Variants in GALNT16 observed in about 807,000 individuals in gnomAD.
The protein encoded by GALNT16 is polypeptide N-acetylgalactosaminyltransferase 16, also known as UDP-GalNAc:polypeptide N-acetylgalactosaminyltransferase-like protein 1.
Under a neutral mutation model 76.1 loss-of-function variants are expected in GALNT16, and 40 were observed. The ratio of observed to expected loss-of-function variants is 0.53; its 90% CI spans 0.41 to 0.68. The LOEUF is 0.68. Ranked by LOEUF, GALNT16 falls within the 30% of genes least tolerant of loss-of-function variation. The pLI is 0.00. For synonymous variants in GALNT16, 276 were observed against 285.2 expected, an observed-to-expected ratio of 0.97 and a Z score of 0.32; for missense variants, 621 against 731.9, an observed-to-expected ratio of 0.85 and a Z score of 1.75.
the GALNT16 span, among the ~76,000 whole-genome samples, chr14:69,378,945 A>AT: frequency 0.014 from 2,034 of 150,170 alleles, 38 homozygotes; most frequent in African/African-American, 0.033. Context: ...AGCTTTATTT[A>AT]TTTTTTTTTT....
rs1413129497 is a variant in GALNT16 at position 69,320,785 on chromosome 14, C to T, written c.252C>T (p.Asp84=). The change falls in exon 2 of 15, where the codon GAC becomes GAT. Residue 84 remains aspartate, a synonymous_variant. Transcript: ENST00000448469. ...CCAAGCAGCTGAAGGCTGGAGAGGA[C>T]CCCTACAGACAGCACGCCTTCAACC... ...LSAKQLKAGE[D]PYRQHAFNQL... is the part of the protein sequence containing the mutation. The T allele has an allele frequency of 6.2e-7, 1 of 1,614,180 alleles. No homozygotes were observed. The highest frequency in any genetic ancestry group is 1.7e-5 in the Admixed American group (1 of 60,024).
At chr14:69,300,740 T>G (rs1456840714) in intron 1 of GALNT16, among the ~76,000 whole-genome samples, 1 of 152,074 alleles carries the variant, frequency 6.6e-6, no homozygotes, top group East Asian at 1.9e-4. Flanking sequence ...TACAGCTTCT[T>G]GAGAGATCTT....
intron 1 of GALNT16, among the ~76,000 whole-genome samples, chr14:69,283,490 G>A (rs867805608): frequency 1.9e-4 from 29 of 152,290 alleles, no homozygotes; most frequent in African/African-American, 5.8e-4. Context: ...GGCCTCTTAC[G>A]AGTCCTGACT....
At chr14:69,325,879 T>G (rs961001054) in intron 4 of GALNT16, 83 bp from the exon 5 acceptor site, 2 of 1,061,492 alleles carry the variant, frequency 1.9e-6, no homozygotes, top group African/African-American at 3.1e-5. Context: ...GGGCTTAGTA[T>G]GGGGCAATTT....
rs1183948612 is a variant in GALNT16 at position 69,320,784 on chromosome 14, A to G, written c.251A>G (p.Asp84Gly). The change falls in exon 2 of 15, where the codon GAC (aspartate) becomes GGC (glycine). Residue 84 changes from aspartate to glycine, a missense_variant. Coordinates refer to ENST00000448469, the MANE Select transcript of GALNT16 (RefSeq NM_001168368.2). ...GCCAAGCAGCTGAAGGCTGGAGAGG[A>G]CCCCTACAGACAGCACGCCTTCAAC... ...LSAKQLKAGE[D>G]PYRQHAFNQL... The G allele has an allele frequency of 2.5e-6, 4 of 1,614,014 alleles. No homozygotes were observed. Among genetic ancestry groups the G allele is most frequent in the Non-Finnish European group, 3.4e-6 (4 of 1,180,018 alleles).
intron 1 of GALNT16, among the ~76,000 whole-genome samples, chr14:69,270,586 T>C (rs1265524250): frequency 6.6e-6 from 1 of 152,202 alleles, no homozygotes; most frequent in African/African-American, 2.4e-5. Context: ...GTCTTTCATG[T>C]CAAGGGAAGC....
At chr14:69,323,454 T>C (rs1386744405) in intron 2 of GALNT16, among the ~76,000 whole-genome samples, 3 of 152,164 alleles carry the variant, frequency 2.0e-5, no homozygotes, top group Non-Finnish European at 4.4e-5. Flanking sequence ...CTGTCCCGAT[T>C]CCCTCCTTTC....
chr14:69,283,572 G>C (rs928215329), intron 1 of GALNT16, among the ~76,000 whole-genome samples: 11 of 152,134 alleles, frequency 7.2e-5, no homozygotes, highest in Admixed American at 5.2e-4. Flanking sequence ...TAGACAGGAT[G>C]GTAGTCATCA....
chr14:69,301,245 G>T (rs551156901), intron 1 of GALNT16, among the ~76,000 whole-genome samples: 2 of 152,306 alleles, frequency 1.3e-5, no homozygotes, highest in East Asian at 3.9e-4. Context: ...TGAGGAAAGA[G>T]TCCATAGCTT....
chr14:69,328,536 G>T lies in GALNT16; in HGVS notation c.655G>T (p.Glu219Ter), dbSNP rs991910123. 1 of 1,613,776 alleles carries T rather than the reference G, an allele frequency of 6.2e-7. No homozygotes were observed. Among genetic ancestry groups the T allele is most frequent in the Admixed American group, 1.7e-5 (1 of 60,012 alleles). ...FLDSHCEVNT[E>*]WLPPMLQRVK... ...GGATAGCCACTGCGAAGTGAACACC[G>T]AGTGGCTGCCGCCCATGCTGCAGCG... Residue 219 changes from glutamate (E) to a stop codon, truncating the protein, a stop_gained, in exon 6 of 15, where the codon GAG (glutamate) becomes TAG (stop). Coordinates refer to ENST00000448469, the MANE Select transcript of GALNT16 (RefSeq NM_001168368.2). LOFTEE classifies it high-confidence loss of function.
intron 11 of GALNT16, among the ~76,000 whole-genome samples, chr14:69,341,402 C>A (rs934779101): frequency 6.6e-6 from 1 of 152,220 alleles, no homozygotes; most frequent in African/African-American, 2.4e-5. Context: ...GAGTGAGAAG[C>A]CGAGAGAAAG....
intron 1 of GALNT16, among the ~76,000 whole-genome samples, chr14:69,265,166 C>T (rs2044327149): frequency 6.6e-6 from 1 of 151,456 alleles, no homozygotes; most frequent in Admixed American, 6.6e-5. Flanking sequence ...GGGTCTGTTC[C>T]TGGGCCATTT....
At position 69,333,949 on chromosome 14, in the gene GALNT16, G is replaced by A. The variant is rs1000118877; in HGVS notation, c.967+349G>A. Among the ~76,000 whole-genome samples the A allele has an allele frequency of 1.3e-5, 2 of 152,174 alleles. No homozygotes were observed. Among genetic ancestry groups the A allele is most frequent in the African/African-American group, 4.8e-5 (2 of 41,448 alleles). ...CACGTGGCTGCTTCCCTACCAGCAA[G>A]GCTGGGAGGTGTGTGGTAGAGGGTG... On this transcript the variant is annotated intron_variant, in intron 9 of 14. Coordinates refer to ENST00000448469, the MANE Select transcript of GALNT16 (RefSeq NM_001168368.2). The surrounding 1 kb of genome is among the most constrained non-coding windows in gnomAD (Gnocchi z 4.2).
chr14:69,366,928 C>T, the GALNT16 span, among the ~76,000 whole-genome samples: 1 of 152,174 alleles, frequency 6.6e-6, no homozygotes, highest in South Asian at 2.1e-4. Flanking sequence ...CATGTCAGAA[C>T]ATGCTGGGGT....
chr14:69,320,747 G>T lies in GALNT16; in HGVS notation c.214G>T (p.Ala72Ser). The T allele has an allele frequency of 1.2e-6, 2 of 1,614,112 alleles. No individual in the cohort carries two copies. The highest frequency in any genetic ancestry group is 1.7e-6 in the Non-Finnish European group (2 of 1,179,988). Residue 72 changes from alanine to serine, a missense_variant, in exon 2 of 15, where the codon GCC (alanine) becomes TCC (serine). Transcript: ENST00000448469. ...TCCCTCGAAAGGCTTTGATGAGAAG[G>T]CCTACCTGTCGGCCAAGCAGCTGAA... ...GTPSKGFDEK[A>S]YLSAKQLKAG...
At chr14:69,365,083 C>A in the GALNT16 span, among the ~76,000 whole-genome samples, 1 of 152,126 alleles carries the variant, frequency 6.6e-6, no homozygotes, top group South Asian at 2.1e-4. Flanking sequence ...TTTCTGTAAA[C>A]CACTTACTCT....
At chr14:69,289,320 C>A (rs538548862) in intron 1 of GALNT16, among the ~76,000 whole-genome samples, 1 of 152,166 alleles carries the variant, frequency 6.6e-6, no homozygotes, top group African/African-American at 2.4e-5. Context: ...ATTTTGAAGT[C>A]TCTGGTTTTA....
At chr14:69,384,882 C>T in the GALNT16 span, among the ~76,000 whole-genome samples, 1 of 152,168 alleles carries the variant, frequency 6.6e-6, no homozygotes, top group African/African-American at 2.4e-5. Flanking sequence ...TTAGGCCTCC[C>T]AATTCCATGA....
chr14:69,351,269 A>C (rs951466583), intron 14 of GALNT16: 26 of 152,326 alleles, frequency 1.7e-4, no homozygotes, highest in African/African-American at 5.3e-4. Context: ...CTGGTGGGAA[A>C]ACCCCAATAG....
Sources: gnomAD v4.1 joint callset for allele counts (sites outside exome capture counted in the v4.1 genomes callset) on GRCh38, gnomAD v4.1.1 for gene constraint, Gnocchi (gnomAD v3.1) non-coding constraint, MANE v1.5 for transcripts, NCBI Gene and HGNC (gene_info 2026-07-23, HGNC 2026-07-21) for gene names.